Variants in OR4N5 observed in about 807,000 individuals in gnomAD.
OR4N5 encodes the protein olfactory receptor 4N5.
For missense variants in OR4N5, 428 were observed against 370.0 expected (o/e 1.16, Z -1.29); for synonymous variants, 155 against 140.6 (o/e 1.10, Z -0.72).
At chr14:20,142,787 T>C (rs1312880898) in intron 2 of OR4N5, among the ~76,000 whole-genome samples, 2 of 152,232 alleles carry the variant, frequency 1.3e-5, no homozygotes, top group Non-Finnish European at 2.9e-5. Context: ...AAAACTTCTC[T>C]GCAATTGCAT....
At chr14:20,143,039 TAAG>T (rs1347282261) in intron 2 of OR4N5, among the ~76,000 whole-genome samples, 1 of 152,180 alleles carries the variant, frequency 6.6e-6, no homozygotes, top group Non-Finnish European at 1.5e-5. Context: ...AACTAGAACT[TAAG>T]AACAGGTTGT....
Position 20,144,216 on chromosome 14 carries a change from G to A in OR4N5, c.481G>A (p.Ala161Thr), listed in dbSNP as rs756370828. 1 of 1,614,020 alleles carries A rather than the reference G, an allele frequency of 6.2e-7. No homozygotes were observed. Among genetic ancestry groups the A allele is most frequent in the Non-Finnish European group, 8.5e-7 (1 of 1,179,984 alleles). ...GGFIHSIVQV[A>T]LILHLPFCGP... ...CTTTATCCATTCCATTGTACAAGTAGCCCTTATCCTGCACTTGCCTTTCTG... is the reference window on the plus strand; with the variant it reads ...CTTTATCCATTCCATTGTACAAGTAACCCTTATCCTGCACTTGCCTTTCTG... Residue 161 changes from alanine to threonine, a missense_variant, in exon 3 of 3, where the codon GCC becomes ACC. By Grantham distance (58) the Ala-to-Thr change is moderately conservative. Transcript: ENST00000641086.
chr14:20,144,384 TC>T lies in OR4N5; in HGVS notation c.651del (p.Tyr218MetfsTer8). On this transcript the variant is annotated frameshift_variant, in exon 3 of 3. Coordinates refer to ENST00000641086, the MANE Select transcript of OR4N5 (RefSeq NM_001004724.2). LOFTEE classifies it low-confidence loss of function (END_TRUNC). ...CCTGTGCTTCCTGGGCCTTCTGGCC[TC>T]CTATGCAGTCATCCTCTGTCGTATA... ...SLLCFLGLLA[S>X]YAVILCRIRE... The T allele has an allele frequency of 6.2e-7, 1 of 1,614,020 alleles. No individual in the cohort carries two copies. The highest frequency in any genetic ancestry group is 8.5e-7 in the Non-Finnish European group (1 of 1,179,980).
At chr14:20,142,490 T>A (rs1878638034) in intron 2 of OR4N5, among the ~76,000 whole-genome samples, 1 of 152,316 alleles carries the variant, frequency 6.6e-6, no homozygotes, top group Admixed American at 6.5e-5. Flanking sequence ...CAATGGATTA[T>A]CTTGTGCACC....
chr14:20,141,397 G>T (rs769163858), intron 2 of OR4N5, among the ~76,000 whole-genome samples, 186 bp downstream of exon 2: 1 of 152,154 alleles, frequency 6.6e-6, no homozygotes, highest in Non-Finnish European at 1.5e-5. Context: ...TTCACTATGT[G>T]TGTGTTTATA....
chr14:20,143,689 A>C (rs1013849779), intron 2 of OR4N5, 36 bp from the exon 3 acceptor site: 1 of 1,345,278 alleles, frequency 7.4e-7, no homozygotes, highest in South Asian at 1.4e-5. Flanking sequence ...AAAGGTGGTT[A>C]TAACAGATAA....
rs1356514829 is a variant in OR4N5, at chr14:20,143,892, C to A, written c.157C>A (p.Pro53Thr). Residue 53 changes from proline (P) to threonine (T), a missense_variant, in exon 3 of 3, where the codon CCT becomes ACT. Transcript: ENST00000641086. ...FLIIFTIKSD[P>T]GLTAPLYFFL... is the part of the protein sequence containing the mutation. ...CATCATTTTCACCATAAAGTCAGACCCTGGGCTCACAGCCCCCCTCTATTT... is the reference window on the plus strand; with the variant it reads ...CATCATTTTCACCATAAAGTCAGACACTGGGCTCACAGCCCCCCTCTATTT... 1 of 1,614,016 alleles carries A rather than the reference C, an allele frequency of 6.2e-7. No homozygotes were observed. Among genetic ancestry groups the A allele is most frequent in the Non-Finnish European group, 8.5e-7 (1 of 1,179,958 alleles).
At position 20,138,873 on chromosome 14, in the gene OR4N5, C is replaced by T. The variant is rs545005118; in HGVS notation, c.-398C>T. ...AGAATAGCCACTTGTTTGAGAGTAG[C>T]ATTTGGCTCCCGGCAAGGTAAAATT... On this transcript the variant is annotated 5_prime_UTR_variant, in exon 1 of 3. Coordinates refer to ENST00000641086, the MANE Select transcript of OR4N5 (RefSeq NM_001004724.2). 6.6e-6 allele frequency: 1 copy of T among 151,570 alleles called. No homozygotes were observed. The highest frequency in any genetic ancestry group is 1.9e-4 in the East Asian group (1 of 5,186). The allele number at this position is 151,570 out of a possible 1,614,324, so 9.4% of individuals were successfully genotyped here. A position where few individuals can be genotyped will look rare whatever the true frequency, so the allele number is the denominator to read the frequency against.
chr14:20,141,032 GT>G lies in OR4N5; in HGVS notation c.-189del, dbSNP rs1338894271. On this transcript the variant is annotated 5_prime_UTR_variant, in exon 2 of 3. The change creates a premature stop within an existing upstream ORF in the 5' untranslated region. Coordinates refer to ENST00000641086, the MANE Select transcript of OR4N5 (RefSeq NM_001004724.2). ...GAAAGAAGAAAAGTGGATTAAAGAT[GT>G]TGAGTAACATGGAATTTCATCTGTT... 1 of 152,166 alleles carries G rather than the reference GT, an allele frequency of 6.6e-6. No homozygotes were observed. The highest frequency in any genetic ancestry group is 2.4e-5 in the African/African-American group (1 of 41,450). 9.4% of individuals were successfully genotyped at this position (152,166 alleles called of 1,614,324 possible).
At position 20,144,421 on chromosome 14, in the gene OR4N5, C is replaced by T; in HGVS notation, c.686C>T (p.Ser229Phe). The T allele has an allele frequency of 6.2e-7, 1 of 1,614,024 alleles. No individual in the cohort carries two copies. Among genetic ancestry groups the T allele is most frequent in the Non-Finnish European group, 8.5e-7 (1 of 1,179,956 alleles). Residue 229 changes from serine (S) to phenylalanine (F), a missense_variant, in exon 3 of 3, where the codon TCC becomes TTC. Ser to Phe is a radical substitution (Grantham distance 155). Transcript: ENST00000641086. ...ATCCTCTGTCGTATAAGGGAGCACT[C>T]CTCTGAAGGAAAGAGCAAGGCTATT... ...AVILCRIREH[S>F]SEGKSKAIST...
chr14:20,144,144 A>G lies in OR4N5; in HGVS notation c.409A>G (p.Asn137Asp). The change falls in exon 3 of 3, where the codon AAC (asparagine) becomes GAC (aspartate). Residue 137 changes from asparagine to aspartate, a missense_variant. Physicochemically the swap from Asn to Asp is conservative, Grantham distance 23 (BLOSUM62 1). Coordinates refer to ENST00000641086, the MANE Select transcript of OR4N5 (RefSeq NM_001004724.2). ...CRPLHYSTIM[N>D]PRACYALSLV... ...GCCTTTACACTATTCAACCATCATG[A>G]ACCCTAGAGCCTGCTATGCATTATC... 6.2e-7 allele frequency: 1 copy of G among 1,614,076 alleles called. No individual in the cohort carries two copies.
Position 20,141,452 on chromosome 14 carries a change from G to C in OR4N5, c.-12+241G>C, listed in dbSNP as rs148169669. The stretch of plus-strand genomic sequence containing the variant: ...GGAATGCATAAATATGTACCCATGT[G>C]TTGTAAGTACTTATTCCATAGCATT... On this transcript the variant is annotated intron_variant, in intron 2 of 2. Coordinates refer to ENST00000641086, the MANE Select transcript of OR4N5 (RefSeq NM_001004724.2). Among the ~76,000 whole-genome samples, 594 of 152,292 alleles carry C rather than the reference G, an allele frequency of 3.9e-3. 7 individuals carry two copies. The highest frequency in any genetic ancestry group is 0.014 in the African/African-American group (563 of 41,568).
intron 1 of OR4N5, among the ~76,000 whole-genome samples, 191 bp from the exon 2 acceptor site, chr14:20,140,652 C>A (rs990525530): frequency 2.0e-5 from 3 of 152,160 alleles, no homozygotes; most frequent in Non-Finnish European, 4.4e-5. Flanking sequence ...ACTTATGCAT[C>A]TTCAGTGCCA....
intron 1 of OR4N5, 122 bp from the exon 2 acceptor site, chr14:20,140,721 T>C (rs1246299498): frequency 6.6e-6 from 1 of 152,190 alleles, no homozygotes; most frequent in Non-Finnish European, 1.5e-5. Flanking sequence ...TCTATATCTA[T>C]CTATCTATCT....
rs1157900054 is a variant in OR4N5, at chr14:20,143,925, G to A, written c.190G>A (p.Gly64Ser). The change falls in exon 3 of 3, where the codon GGC becomes AGC. Residue 64 changes from glycine to serine, a missense_variant. Gly to Ser is a moderately conservative substitution (Grantham distance 56). Coordinates refer to ENST00000641086, the MANE Select transcript of OR4N5 (RefSeq NM_001004724.2). ...GLTAPLYFFL[G>S]NLALLDASYS... ...CACAGCCCCCCTCTATTTCTTTCTG[G>A]GCAACTTGGCCTTACTGGATGCATC... 14 of 1,613,840 alleles carry A rather than the reference G, an allele frequency of 8.7e-6. No individual in the cohort carries two copies. The highest frequency in any genetic ancestry group is 1.2e-5 in the Non-Finnish European group (14 of 1,179,912).
rs1878674556 is a variant in OR4N5, at chr14:20,144,037, TC to T, written c.303del (p.Phe103SerfsTer15). On this transcript the variant is annotated frameshift_variant, in exon 3 of 3. Coordinates refer to ENST00000641086, the MANE Select transcript of OR4N5 (RefSeq NM_001004724.2). LOFTEE classifies it low-confidence loss of function (END_TRUNC). The stretch of plus-strand genomic sequence containing the variant: ...TCCTATAGAAGCTGCATCACTCAGC[TC>T]TTTTTCTTGCATTTTCTTGGAGCGG... ...VISYRSCITQ[L>X]FFLHFLGAGE... The T allele has an allele frequency of 1.9e-6, 3 of 1,614,126 alleles. No homozygotes were observed. The highest frequency in any genetic ancestry group is 2.5e-6 in the Non-Finnish European group (3 of 1,179,994).
chr14:20,144,598 C>T lies in OR4N5; in HGVS notation c.863C>T (p.Thr288Met), dbSNP rs141586639. 8.7e-4 allele frequency: 1,398 copies of T among 1,613,684 alleles called. 8 individuals carry two copies. The African/African-American group carries it at 0.017, about 19-fold the overall frequency. Reference sequence around the variant, plus strand: ...CCTTTGATGAACCCTGTTATTTATACGCTTCGCAACCAGGAGGTGAAAGCT... The same window carrying T: ...CCTTTGATGAACCCTGTTATTTATATGCTTCGCAACCAGGAGGTGAAAGCT... ...IFPLMNPVIY[T>M]LRNQEVKASM... The change falls in exon 3 of 3, where the codon ACG becomes ATG. Residue 288 changes from threonine to methionine, a missense_variant. Transcript: ENST00000641086.
rs1878561229 is a variant in OR4N5 at position 20,138,848 on chromosome 14, A to G, written c.-423A>G. Reference sequence around the variant, plus strand: ...TAATCTCCCTTTTATCAGACAGAAAAGAATAGCCACTTGTTTGAGAGTAGC... The same window carrying G: ...TAATCTCCCTTTTATCAGACAGAAAGGAATAGCCACTTGTTTGAGAGTAGC... On this transcript the variant is annotated 5_prime_UTR_variant, in exon 1 of 3. Coordinates refer to ENST00000641086, the MANE Select transcript of OR4N5 (RefSeq NM_001004724.2). The G allele has an allele frequency of 6.6e-6, 1 of 152,142 alleles. No individual in the cohort carries two copies. Among genetic ancestry groups the G allele is most frequent in the African/African-American group, 2.4e-5 (1 of 41,458 alleles). The allele number at this position is 152,142 out of a possible 1,614,324, so 9.4% of individuals were successfully genotyped here.
At chr14:20,140,154 A>G (rs1460886229) in intron 1 of OR4N5, among the ~76,000 whole-genome samples, 2 of 152,220 alleles carry the variant, frequency 1.3e-5, no homozygotes, top group African/African-American at 4.8e-5. Context: ...ATTATTTCAG[A>G]ATCAGTAAAG....
Sources: gnomAD v4.1 joint callset for allele counts (sites outside exome capture counted in the v4.1 genomes callset) on GRCh38, gnomAD v4.1.1 for gene constraint, MANE v1.5 for transcripts, NCBI Gene and HGNC (gene_info 2026-07-23, HGNC 2026-07-21) for gene names.